Variants in TSBP1 observed in about 807,000 individuals in gnomAD.
TSBP1 encodes the protein testis-expressed basic protein 1.
In TSBP1, 56 loss-of-function variants were observed where a neutral mutation model predicts 68.8. That is an observed-to-expected ratio of 0.81 (90% CI 0.66 to 1.02). The LOEUF is 1.02. Ranked by LOEUF, TSBP1 falls within the 50% of genes least tolerant of loss-of-function variation. TSBP1 has a pLI of 0.00. For synonymous variants in TSBP1, 171 were observed against 208.7 expected, an observed-to-expected ratio of 0.82 and a Z score of 1.56; for missense variants, 502 against 641.2, an observed-to-expected ratio of 0.78 and a Z score of 2.34.
At chr6:32,293,513 T>A (rs1764376076) in exon 23 of TSBP1, 7 of 1,612,002 alleles carry the variant, frequency 4.3e-6, no homozygotes, top group Non-Finnish European at 5.9e-6. Context: ...GACACCAGAC[T>A]GACTCTTCTT....
chr6:32,338,215 C>T lies in TSBP1; in HGVS notation c.409+764G>A, dbSNP rs1180115693. Among the ~76,000 whole-genome samples the T allele has an allele frequency of 6.6e-6, 1 of 152,034 alleles. No individual in the cohort carries two copies. Among genetic ancestry groups the T allele is most frequent in the African/African-American group, 2.4e-5 (1 of 41,372 alleles). Reference sequence around the variant, plus strand: ...TGGTTCTTAAACGTTGGTATGCACGCAAATCACCTGGGAATCTTATTAAAA... The same window carrying T: ...TGGTTCTTAAACGTTGGTATGCACGTAAATCACCTGGGAATCTTATTAAAA... On this transcript the variant is annotated intron_variant, in intron 11 of 22. Coordinates refer to ENST00000612031, the Ensembl canonical transcript of TSBP1. This position sits in a 1 kb window ranked among gnomAD's most constrained non-coding sequence, Gnocchi z 5.5.
At chr6:32,324,657 G>A (rs1239870773) in intron 16 of TSBP1, 1 of 1,550,752 alleles carries the variant, frequency 6.4e-7, no homozygotes, top group Non-Finnish European at 8.7e-7. Context: ...TAGACTTACT[G>A]ATTGTGTGAG....
At chr6:32,331,992 A>C in intron 15 of TSBP1, 42 bp downstream of exon 16, 1 of 1,469,444 alleles carries the variant, frequency 6.8e-7, no homozygotes, top group Middle Eastern at 1.7e-4. Context: ...CAGACATAGT[A>C]AGAAGCCAGT....
intron 9 of TSBP1, among the ~76,000 whole-genome samples, chr6:32,341,697 C>T (rs775605356): frequency 1.3e-5 from 2 of 152,054 alleles, no homozygotes; most frequent in Non-Finnish European, 2.9e-5. Flanking sequence ...CCTTCCTTTT[C>T]GTTACTTTAA....
At chr6:32,312,356 A>T (rs1201433636) in intron 19 of TSBP1, among the ~76,000 whole-genome samples, 1 of 152,180 alleles carries the variant, frequency 6.6e-6, no homozygotes, top group Non-Finnish European at 1.5e-5. Flanking sequence ...GTGGACAGGA[A>T]GGGGAAGCAC....
intron 9 of TSBP1, among the ~76,000 whole-genome samples, chr6:32,342,422 A>G (rs1159385960): frequency 6.6e-6 from 1 of 152,092 alleles, no homozygotes; most frequent in African/African-American, 2.4e-5. Flanking sequence ...CTAAAGTGTC[A>G]TGATTACGGG....
chr6:32,301,962 C>CATA (rs1554185882), intron 20 of TSBP1, among the ~76,000 whole-genome samples: 2,947 of 135,404 alleles, frequency 0.022, 77 homozygotes, highest in African/African-American at 0.071. Flanking sequence ...TAGTTGAAAT[C>CATA]ATCATCATAA....
intron 15 of TSBP1, 96 bp downstream of exon 16, chr6:32,331,938 G>A (rs742582): frequency 0.4 from 350,996 of 881,232 alleles, 74,143 homozygotes; most frequent in Middle Eastern, 0.58. Context: ...ATGATTTTCA[G>A]CTTCTTTAAC....
chr6:32,324,788 T>C, intron 16 of TSBP1: 3 of 1,459,534 alleles, frequency 2.1e-6, no homozygotes, highest in Non-Finnish European at 1.8e-6. Context: ...TGAACATTTT[T>C]TTTTTTAATC....
chr6:32,328,674 C>G (rs1015730473), intron 16 of TSBP1, among the ~76,000 whole-genome samples: 1 of 152,112 alleles, frequency 6.6e-6, no homozygotes, highest in African/African-American at 2.4e-5. Flanking sequence ...ACCTTGGCCT[C>G]CCAAAGTGCT....
chr6:32,353,345 G>A (rs573844682), intron 8 of TSBP1, among the ~76,000 whole-genome samples: 7 of 151,900 alleles, frequency 4.6e-5, no homozygotes, highest in South Asian at 2.1e-4. Context: ...ATTCACATCC[G>A]AAACAAAAAA....
rs529938487 is a variant in TSBP1, at chr6:32,370,986, C to T, written c.13+708G>A. ...ACACCCACATTAAGACTACTTCAAA[C>T]GAACAATAGGTGAATCCATCTCAAG... On this transcript the variant is annotated intron_variant, in intron 1 of 22. Transcript: ENST00000612031. 2.6e-5 allele frequency among the ~76,000 whole-genome samples: 4 copies of T among 152,262 alleles called. No individual in the cohort carries two copies. The East Asian group carries it at 5.8e-4, about 22-fold the overall frequency.
exon 23 of TSBP1, chr6:32,293,110 T>C: frequency 6.2e-7 from 1 of 1,601,162 alleles, no homozygotes; most frequent in Non-Finnish European, 8.5e-7. Flanking sequence ...TGTCACCTTT[T>C]GTGTTTTTGT....
intron 9 of TSBP1, among the ~76,000 whole-genome samples, chr6:32,342,320 C>T (rs191372139): frequency 1.3e-5 from 2 of 152,096 alleles, no homozygotes; most frequent in South Asian, 2.1e-4. Flanking sequence ...CATACCACCA[C>T]GCCCAGCTAA....
rs116571463 is a variant in TSBP1, at chr6:32,371,693, C to T, written c.13+1G>A. Reference sequence around the variant, plus strand: ...GCCTCAAAGAGGGAGTTAGTCCATACCCAAGACTGTCATTTTCCATGTATT... The same window carrying T: ...GCCTCAAAGAGGGAGTTAGTCCATATCCAAGACTGTCATTTTCCATGTATT... On this transcript the variant is annotated splice_donor_variant, in intron 1 of 22. Transcript: ENST00000612031. LOFTEE classifies it high-confidence loss of function. 2.7e-5 allele frequency: 44 copies of T among 1,611,654 alleles called. No homozygotes were observed. In the African/African-American group the frequency reaches 5.6e-4, roughly 21 times the overall value.
rs1375584101 is a variant in TSBP1, at chr6:32,338,487, T to C, written c.409+492A>G. Reference sequence around the variant, plus strand: ...AACCAGTGCTTCTTCCAGAGATATATGCTACAGTTTCATTTAAAATTCTAT... The same window carrying C: ...AACCAGTGCTTCTTCCAGAGATATACGCTACAGTTTCATTTAAAATTCTAT... On this transcript the variant is annotated intron_variant, in intron 11 of 22. Coordinates refer to ENST00000612031, the Ensembl canonical transcript of TSBP1. The surrounding 1 kb of genome is among the most constrained non-coding windows in gnomAD (Gnocchi z 5.5). Among the ~76,000 whole-genome samples the C allele has an allele frequency of 6.6e-6, 1 of 152,232 alleles. No individual in the cohort carries two copies. Among genetic ancestry groups the C allele is most frequent in the Non-Finnish European group, 1.5e-5 (1 of 68,042 alleles).
chr6:32,295,064 A>G (rs1022546143), intron 22 of TSBP1, among the ~76,000 whole-genome samples: 3 of 152,052 alleles, frequency 2.0e-5, no homozygotes, highest in Non-Finnish European at 4.4e-5. Context: ...GGCTGGGGGC[A>G]GTGGCTCACA....
intron 16 of TSBP1, 94 bp downstream of exon 17, chr6:32,330,495 G>A (rs1382798852): frequency 3.6e-6 from 4 of 1,123,256 alleles, no homozygotes; most frequent in Non-Finnish European, 5.1e-6. Flanking sequence ...ATGGCAGTGA[G>A]ACACATCTAG....
chr6:32,355,180 TGA>T lies in TSBP1; in HGVS notation c.239-38_239-37del, dbSNP rs1165389420. 4 of 1,607,962 alleles carry T rather than the reference TGA, an allele frequency of 2.5e-6. No individual in the cohort carries two copies. The African/African-American group carries it at 5.3e-5, about 21-fold the overall frequency. On this transcript the variant is annotated intron_variant, in intron 7 of 22. Transcript: ENST00000612031. ...CACACAGAAAACATGAGGTGAATCA[TGA>T]GAGTTTGGATCCCTAATCTTTACAT...
Sources: gnomAD v4.1 joint callset for allele counts (sites outside exome capture counted in the v4.1 genomes callset) on GRCh38, gnomAD v4.1.1 for gene constraint, Gnocchi (gnomAD v3.1) non-coding constraint, MANE v1.5 for transcripts, NCBI Gene and HGNC (gene_info 2026-07-23, HGNC 2026-07-21) for gene names.